Variants in BCHE observed in about 807,000 individuals in gnomAD.
BCHE encodes the protein cholinesterase.
A neutral mutation model predicts 51.3 loss-of-function variants in BCHE; 48 were observed. The observed-to-expected ratio is 0.94, with a 90% CI of 0.74 to 1.19. BCHE has a LOEUF of 1.19. Ranked by LOEUF, BCHE falls within the 50% of genes most tolerant of loss-of-function variation. The pLI, the probability that BCHE is intolerant of heterozygous loss-of-function variation, is 0.00. For missense variants in BCHE, 847 were observed against 708.2 expected (o/e 1.20, Z -2.23); for synonymous variants, 251 against 238.0 (o/e 1.05, Z -0.50).
At chr3:165,817,670 G>A (rs140876095) in intron 2 of BCHE, among the ~76,000 whole-genome samples, 3 of 151,986 alleles carry the variant, frequency 2.0e-5, no homozygotes, top group Non-Finnish European at 4.4e-5. Flanking sequence ...GAAGCTTTAC[G>A]TGACCGCCTT....
chr3:165,778,849 A>C, intron 3 of BCHE: 1 of 234,410 alleles, frequency 4.3e-6, no homozygotes, highest in Non-Finnish European at 9.7e-6. Flanking sequence ...ACATTCAGAA[A>C]CTAGTTAACT....
intron 2 of BCHE, among the ~76,000 whole-genome samples, chr3:165,800,510 C>T (rs950357868): frequency 6.6e-6 from 1 of 151,986 alleles, no homozygotes; most frequent in Non-Finnish European, 1.5e-5. Flanking sequence ...GGTTTCTCTG[C>T]TTTTCCTATA....
chr3:165,807,314 A>T lies in BCHE; in HGVS notation c.1518-21003T>A, dbSNP rs1576854601. 4.6e-5 allele frequency among the ~76,000 whole-genome samples: 7 copies of T among 151,984 alleles called. No homozygotes were observed. The South Asian group carries it at 1.2e-3, about 27-fold the overall frequency. On this transcript the variant is annotated intron_variant, in intron 2 of 3. Coordinates refer to ENST00000264381, the MANE Select transcript of BCHE (RefSeq NM_000055.4). ...ATCTCTCATGATAAAGGCCATTTTT[A>T]AAATCAAGTCATATTTTCTAGAACC...
chr3:165,782,885 C>G (rs890764813), intron 3 of BCHE, among the ~76,000 whole-genome samples: 2 of 151,862 alleles, frequency 1.3e-5, no homozygotes, highest in African/African-American at 4.8e-5. Flanking sequence ...GCATTAATCC[C>G]TTTTAAACAG....
intron 3 of BCHE, 42 bp downstream of exon 3, chr3:165,786,103 C>T (rs768810727): frequency 1.9e-6 from 3 of 1,580,950 alleles, no homozygotes; most frequent in Non-Finnish European, 2.6e-6. Context: ...TTTTACATAA[C>T]CCATCATCTA....
At chr3:165,802,958 G>A (rs912402831) in intron 2 of BCHE, among the ~76,000 whole-genome samples, 23 of 152,042 alleles carry the variant, frequency 1.5e-4, no homozygotes, top group Non-Finnish European at 2.4e-4. Context: ...AGCCTGGATG[G>A]TCTTGATCTC....
At chr3:165,786,810 A>C (rs560531514) in intron 2 of BCHE, among the ~76,000 whole-genome samples, 1 of 151,866 alleles carries the variant, frequency 6.6e-6, no homozygotes, top group South Asian at 2.1e-4. Flanking sequence ...TACTCCAGGA[A>C]ACTTCTTTCA....
chr3:165,807,742 T>C (rs1713922011), intron 2 of BCHE, among the ~76,000 whole-genome samples: 1 of 151,766 alleles, frequency 6.6e-6, no homozygotes, highest in Admixed American at 6.6e-5. Flanking sequence ...TACAATATTT[T>C]TAGTAGAGAC....
chr3:165,807,579 T>G (rs1432126178), intron 2 of BCHE, among the ~76,000 whole-genome samples: 1 of 151,822 alleles, frequency 6.6e-6, no homozygotes. Context: ...TCAGACAGAG[T>G]CTTATTCTGT....
chr3:165,789,258 G>T (rs1460066793), intron 2 of BCHE, among the ~76,000 whole-genome samples: 1 of 151,474 alleles, frequency 6.6e-6, no homozygotes, highest in Admixed American at 6.6e-5. Flanking sequence ...TTCATATGTA[G>T]GTTTGAAAGG....
intron 2 of BCHE, among the ~76,000 whole-genome samples, chr3:165,801,840 T>G (rs1297491490): frequency 6.6e-6 from 1 of 152,176 alleles, no homozygotes; most frequent in East Asian, 1.9e-4. Flanking sequence ...ATGTATCCGT[T>G]TTTGCCTCTC....
intron 2 of BCHE, among the ~76,000 whole-genome samples, chr3:165,788,208 G>A (rs1713030445): frequency 6.6e-6 from 1 of 151,860 alleles, no homozygotes; most frequent in South Asian, 2.1e-4. Context: ...GTTATCAAGA[G>A]GCAGATTTTT....
At chr3:165,784,709 C>T (rs1433802318) in intron 3 of BCHE, among the ~76,000 whole-genome samples, 2 of 151,774 alleles carry the variant, frequency 1.3e-5, no homozygotes, top group African/African-American at 2.4e-5. Flanking sequence ...ATTGTATCAT[C>T]GCATAAATTG....
At chr3:165,795,918 A>C (rs1005316450) in intron 2 of BCHE, among the ~76,000 whole-genome samples, 1 of 152,106 alleles carries the variant, frequency 6.6e-6, no homozygotes, top group African/African-American at 2.4e-5. Flanking sequence ...GGTTTTTATG[A>C]GAAAAAAGAA....
At chr3:165,775,970 G>A (rs1276315131) in intron 3 of BCHE, among the ~76,000 whole-genome samples, 2 of 151,396 alleles carry the variant, frequency 1.3e-5, no homozygotes, top group African/African-American at 4.8e-5. Context: ...TTTCATATTG[G>A]CTTGTTTATT....
chr3:165,831,505 T>C (rs1714988865), intron 1 of BCHE, among the ~76,000 whole-genome samples: 1 of 152,194 alleles, frequency 6.6e-6, no homozygotes, highest in Non-Finnish European at 1.5e-5. Context: ...TTAAGTAGGT[T>C]AAGAACTTTT....
chr3:165,777,966 A>C (rs1712538263), intron 3 of BCHE, among the ~76,000 whole-genome samples: 1 of 152,086 alleles, frequency 6.6e-6, no homozygotes, highest in Admixed American at 6.6e-5. Flanking sequence ...ATGTTAATCA[A>C]ATGTTTACAT....
chr3:165,782,753 A>C lies in BCHE; in HGVS notation c.1684+3392T>G, dbSNP rs530079866. Among the ~76,000 whole-genome samples the C allele has an allele frequency of 1.1e-4, 16 of 152,292 alleles. No individual in the cohort carries two copies. The South Asian group carries it at 3.3e-3, about 32-fold the overall frequency. ...TTTCCAGCAGATTATACTTCCATCT[A>C]AGATCAAGCAACGTAGACTGTTGTC... On this transcript the variant is annotated intron_variant, in intron 3 of 3. Transcript: ENST00000264381.
chr3:165,778,728 G>T (rs779206885), intron 3 of BCHE: 7 of 450,836 alleles, frequency 1.6e-5, no homozygotes, highest in South Asian at 1.1e-4. Context: ...CACAGTAGCA[G>T]CATATAGGCT....
Sources: allele counts gnomAD v4.1 joint callset (sites outside exome capture counted in the v4.1 genomes callset), GRCh38; gene constraint gnomAD v4.1.1; transcripts MANE v1.5; gene names NCBI Gene and HGNC (gene_info 2026-07-23, HGNC 2026-07-21).